CNTNAP2: variants seen among roughly 807,000 people sequenced by gnomAD.
CNTNAP2 encodes contactin-associated protein-like 2.
CNTNAP2 carries 98 observed loss-of-function variants against 155.2 expected under a neutral mutation model. That is an observed-to-expected ratio of 0.63 (90% CI 0.54 to 0.75). The LOEUF is 0.75. CNTNAP2 is among the 30% of genes least tolerant of loss of function. The pLI is 0.00. For synonymous variants in CNTNAP2, 651 were observed against 631.2 expected (o/e 1.03, Z -0.47); for missense variants, 1,727 against 1,688.1 (o/e 1.02, Z -0.40).
intron 1 of CNTNAP2, among the ~76,000 whole-genome samples, chr7:146,165,484 G>A (rs1798298958): frequency 6.6e-6 from 1 of 152,112 alleles, no homozygotes; most frequent in Admixed American, 6.6e-5. Flanking sequence ...TCTAAAACAG[G>A]TTATAAAAGT....
chr7:147,638,888 AT>A (rs1486317529), intron 12 of CNTNAP2: 1 of 659,554 alleles, frequency 1.5e-6, no homozygotes, highest in Non-Finnish European at 2.8e-6. Context: ...GGTATCTTGC[AT>A]TTGTTTTCAA....
chr7:147,266,226 A>G (rs1804604073), intron 8 of CNTNAP2, among the ~76,000 whole-genome samples: 2 of 152,202 alleles, frequency 1.3e-5, no homozygotes, highest in Admixed American at 1.3e-4. Context: ...CCAAAAAGCT[A>G]AGGACCACGA....
chr7:148,397,611 C>G (rs1379211010), intron 22 of CNTNAP2, among the ~76,000 whole-genome samples: 2 of 152,232 alleles, frequency 1.3e-5, no homozygotes, highest in Admixed American at 6.5e-5. Flanking sequence ...CCACATTCCC[C>G]TTTTCGACAG....
chr7:147,429,128 T>C lies in CNTNAP2; in HGVS notation c.1670+33348T>C, dbSNP rs116824374. ...TATTTCATTCATTTGTATGTCTGAG[T>C]AGTATTCCATGGTGTGTGTTTGTGT... On this transcript the variant is annotated intron_variant, in intron 10 of 23. Transcript: ENST00000361727. Among the ~76,000 whole-genome samples, 1,109 of 151,692 alleles carry C rather than the reference T, an allele frequency of 7.3e-3. 16 individuals carry two copies. Among genetic ancestry groups the C allele is most frequent in the African/African-American group, 0.025 (1,034 of 41,152 alleles).
chr7:146,121,688 A>G (rs958010634), intron 1 of CNTNAP2, among the ~76,000 whole-genome samples: 5 of 152,168 alleles, frequency 3.3e-5, no homozygotes, highest in Non-Finnish European at 5.9e-5. Context: ...ATAAATTTTT[A>G]TATTTATATC....
intron 1 of CNTNAP2, among the ~76,000 whole-genome samples, chr7:146,259,734 A>G (rs944589002): frequency 2.6e-5 from 4 of 152,216 alleles, no homozygotes; most frequent in Admixed American, 1.3e-4. Flanking sequence ...ACTGATACTT[A>G]TATTTTAAAG....
chr7:147,581,090 G>A (rs1289661757), intron 12 of CNTNAP2, among the ~76,000 whole-genome samples: 2 of 152,142 alleles, frequency 1.3e-5, no homozygotes, highest in East Asian at 3.9e-4. Flanking sequence ...TTTTATATGT[G>A]AGGCAGCCAA....
intron 1 of CNTNAP2, among the ~76,000 whole-genome samples, chr7:146,349,132 G>A (rs1199881293): frequency 6.6e-6 from 1 of 152,154 alleles, no homozygotes; most frequent in Non-Finnish European, 1.5e-5. Context: ...TTTCCACTTT[G>A]ATTAATTCAG....
chr7:146,932,162 G>C (rs1390976388), intron 3 of CNTNAP2, among the ~76,000 whole-genome samples: 2 of 152,150 alleles, frequency 1.3e-5, no homozygotes, highest in Admixed American at 6.5e-5. Flanking sequence ...CAATATCCTT[G>C]ATGAACACTG....
intron 11 of CNTNAP2, among the ~76,000 whole-genome samples, chr7:147,537,743 T>C (rs1363051553): frequency 1.3e-5 from 2 of 152,206 alleles, no homozygotes; most frequent in Non-Finnish European, 2.9e-5. Context: ...TTTTATCATA[T>C]GCCTTCATAT....
intron 21 of CNTNAP2, among the ~76,000 whole-genome samples, chr7:148,363,423 C>A (rs1038318294): frequency 6.6e-6 from 1 of 151,030 alleles, no homozygotes; most frequent in Non-Finnish European, 1.5e-5. Flanking sequence ...TGACAATATA[C>A]AAGACAGTAA....
chr7:146,610,520 ATAAAGGAAAAATATAGGGAAT>A (rs1799118987), intron 1 of CNTNAP2, among the ~76,000 whole-genome samples: 1 of 152,330 alleles, frequency 6.6e-6, no homozygotes, highest in East Asian at 1.9e-4. Context: ...TAAGGTCAGA[ATAAAGGAAAAATATAGGGAAT>A]TCAGCATTAG....
intron 12 of CNTNAP2, among the ~76,000 whole-genome samples, chr7:147,599,542 C>T (rs1266785554): frequency 6.6e-6 from 1 of 151,552 alleles, no homozygotes; most frequent in Non-Finnish European, 1.5e-5. Flanking sequence ...AGAAATTTAT[C>T]CTCTCATAGT....
At chr7:147,374,344 A>C (rs1156669332) in intron 9 of CNTNAP2, among the ~76,000 whole-genome samples, 1 of 152,068 alleles carries the variant, frequency 6.6e-6, no homozygotes, top group Non-Finnish European at 1.5e-5. Context: ...GTTACCAGTA[A>C]AAAGTCATTT....
intron 13 of CNTNAP2, among the ~76,000 whole-genome samples, chr7:147,880,624 G>A (rs2116714977): frequency 6.6e-6 from 1 of 151,530 alleles, no homozygotes; most frequent in South Asian, 2.1e-4. Context: ...AAAAAGTTAA[G>A]ACTAACAGAA....
intron 1 of CNTNAP2, among the ~76,000 whole-genome samples, chr7:146,569,142 A>C (rs1003041520): frequency 4.6e-5 from 7 of 151,934 alleles, no homozygotes. Flanking sequence ...TCAGCCTCCC[A>C]AGTAGCTGGG....
chr7:147,670,983 G>A (rs1419240291), intron 13 of CNTNAP2, among the ~76,000 whole-genome samples: 2 of 152,190 alleles, frequency 1.3e-5, no homozygotes, highest in East Asian at 1.9e-4. Context: ...TGGGCATCAC[G>A]CCAGACTCTG....
At chr7:147,777,043 G>A (rs1797595259) in intron 13 of CNTNAP2, among the ~76,000 whole-genome samples, 1 of 151,634 alleles carries the variant, frequency 6.6e-6, no homozygotes, top group African/African-American at 2.4e-5. Context: ...AAATTTTTAG[G>A]TTAAGAATAA....
At chr7:146,841,823 C>A (rs1803729990) in intron 3 of CNTNAP2, among the ~76,000 whole-genome samples, 1 of 151,056 alleles carries the variant, frequency 6.6e-6, no homozygotes, top group Non-Finnish European at 1.5e-5. Flanking sequence ...TTAAGGACGG[C>A]TAAATGCAGA....
Sources: gnomAD v4.1 joint callset for allele counts (sites outside exome capture counted in the v4.1 genomes callset) on GRCh38, gnomAD v4.1.1 for gene constraint, MANE v1.5 for transcripts, NCBI Gene and HGNC (gene_info 2026-07-23, HGNC 2026-07-21) for gene names.